Variants in CTNNA3 observed in about 807,000 individuals in gnomAD.
The protein encoded by CTNNA3 is catenin alpha 3.
A neutral mutation model predicts 95.7 loss-of-function variants in CTNNA3; 76 were observed. The observed-to-expected ratio is 0.79, with a 90% CI of 0.66 to 0.96. The LOEUF (loss-of-function observed/expected upper bound fraction) is 0.96. Ranked by LOEUF, CTNNA3 falls within the 40% of genes least tolerant of loss-of-function variation. The pLI is 0.00. For synonymous variants in CTNNA3, 431 were observed against 374.4 expected, an observed-to-expected ratio of 1.15 and a Z score of -1.74; for missense variants, 1,191 against 1,089.8, an observed-to-expected ratio of 1.09 and a Z score of -1.31.
chr10:67,628,155 C>T (rs951751561), intron 2 of CTNNA3, among the ~76,000 whole-genome samples: 1 of 148,356 alleles, frequency 6.7e-6, no homozygotes, highest in African/African-American at 2.5e-5. Context: ...AAATAGTCTA[C>T]AAAACTAGAA....
intron 5 of CTNNA3, among the ~76,000 whole-genome samples, chr10:67,429,016 A>G (rs1013402360): frequency 2.6e-5 from 4 of 151,986 alleles, no homozygotes; most frequent in African/African-American, 7.2e-5. Flanking sequence ...ACACTAATAC[A>G]GTGACACTTT....
intron 9 of CTNNA3, among the ~76,000 whole-genome samples, chr10:66,645,181 T>C (rs4746612): frequency 0.67 from 102,425 of 151,888 alleles, 35,612 homozygotes; most frequent in East Asian, 0.95. Flanking sequence ...TCTCACATGG[T>C]TTTCACAAAG....
chr10:67,341,334 C>T (rs1212561665), intron 5 of CTNNA3, among the ~76,000 whole-genome samples: 1 of 152,080 alleles, frequency 6.6e-6, no homozygotes, highest in African/African-American at 2.4e-5. Context: ...ATCTCTGCGT[C>T]ACCTCCCCAC....
intron 12 of CTNNA3, among the ~76,000 whole-genome samples, chr10:66,346,619 T>C (rs1334989398): frequency 1.3e-5 from 2 of 152,096 alleles, no homozygotes; most frequent in African/African-American, 4.8e-5. Context: ...ACTTGTTTGG[T>C]AACTGCTCTC....
chr10:67,566,927 A>G (rs1841824212), intron 3 of CTNNA3, among the ~76,000 whole-genome samples: 1 of 150,886 alleles, frequency 6.6e-6, no homozygotes, highest in African/African-American at 2.4e-5. Flanking sequence ...AAGGACAAAA[A>G]ACCAAACACC....
intron 6 of CTNNA3, among the ~76,000 whole-genome samples, chr10:67,181,495 T>C (rs1179084470): frequency 6.6e-6 from 1 of 152,096 alleles, no homozygotes; most frequent in Non-Finnish European, 1.5e-5. Flanking sequence ...ACCCTTAACA[T>C]GAAATGCAAT....
chr10:66,418,130 C>T (rs1034344753), intron 11 of CTNNA3, among the ~76,000 whole-genome samples: 3 of 144,212 alleles, frequency 2.1e-5, no homozygotes, highest in Non-Finnish European at 3.0e-5. Flanking sequence ...AAAAAAACTA[C>T]GAGCTAGACT....
intron 7 of CTNNA3, among the ~76,000 whole-genome samples, chr10:67,029,214 G>A (rs754797591): frequency 3.9e-5 from 6 of 152,136 alleles, no homozygotes; most frequent in Non-Finnish European, 7.4e-5. Flanking sequence ...ATTTGAAAAG[G>A]TTCACTAATG....
At chr10:66,884,046 A>G (rs1441422067) in intron 7 of CTNNA3, among the ~76,000 whole-genome samples, 1 of 152,132 alleles carries the variant, frequency 6.6e-6, no homozygotes. Flanking sequence ...TTGCATAGGC[A>G]GAAATCACAT....
chr10:66,017,927 C>T (rs1409873882), intron 15 of CTNNA3, among the ~76,000 whole-genome samples: 1 of 151,970 alleles, frequency 6.6e-6, no homozygotes, highest in Non-Finnish European at 1.5e-5. Flanking sequence ...ATACGGCCTC[C>T]TTTATGTTTA....
chr10:66,475,826 C>CA (rs1015258898), intron 11 of CTNNA3, among the ~76,000 whole-genome samples: 5 of 151,532 alleles, frequency 3.3e-5, no homozygotes, highest in Admixed American at 2.0e-4. Context: ...AGACCTAGGA[C>CA]AAAAAACACT....
intron 13 of CTNNA3, among the ~76,000 whole-genome samples, chr10:66,130,555 A>C (rs7084660): frequency 6.6e-6 from 1 of 151,920 alleles, no homozygotes; most frequent in East Asian, 1.9e-4. Flanking sequence ...ATAGAAATAC[A>C]AAGAATCGGC....
chr10:66,447,582 C>G (rs1483322739), intron 11 of CTNNA3, among the ~76,000 whole-genome samples: 2 of 152,026 alleles, frequency 1.3e-5, no homozygotes, highest in African/African-American at 4.8e-5. Context: ...GGAAAGCATT[C>G]CCTATTTAAT....
chr10:66,354,951 T>C (rs986855919), intron 12 of CTNNA3, among the ~76,000 whole-genome samples: 3 of 152,134 alleles, frequency 2.0e-5, no homozygotes, highest in Non-Finnish European at 2.9e-5. Context: ...TCTACACTTA[T>C]CAGTCTTAAC....
chr10:67,575,961 G>C (rs1215798443), intron 3 of CTNNA3, among the ~76,000 whole-genome samples: 2 of 152,122 alleles, frequency 1.3e-5, no homozygotes, highest in African/African-American at 4.8e-5. Context: ...TCAAGGGAAT[G>C]GTCTGAGCAA....
At position 66,755,474 on chromosome 10, in the gene CTNNA3, A is replaced by G. The variant is rs1839327139; in HGVS notation, c.1281+10790T>C. Among the ~76,000 whole-genome samples, 2 of 152,176 alleles carry G rather than the reference A, an allele frequency of 1.3e-5. 1 individual carries two copies. Among genetic ancestry groups the G allele is most frequent in the African/African-American group, 4.8e-5 (2 of 41,456 alleles). On this transcript the variant is annotated intron_variant, in intron 9 of 17. Coordinates refer to ENST00000433211, the MANE Select transcript of CTNNA3 (RefSeq NM_013266.4). ...GATAATAGATATCTCAAAAAAGATC[A>G]TTGATATCATTTGTAATTAGGGAAA... is the stretch of plus-strand genomic sequence containing the variant.
intron 5 of CTNNA3, among the ~76,000 whole-genome samples, chr10:67,471,131 C>T (rs78898720): frequency 1.3e-5 from 2 of 152,034 alleles, no homozygotes; most frequent in African/African-American, 4.8e-5. Context: ...CCAGCCAAGA[C>T]CTTTAGTCTT....
intron 5 of CTNNA3, among the ~76,000 whole-genome samples, chr10:67,294,199 T>G (rs1337872118): frequency 6.6e-6 from 1 of 152,130 alleles, no homozygotes; most frequent in Non-Finnish European, 1.5e-5. Context: ...TCAGTGGCAC[T>G]CAATAACTGT....
At chr10:66,874,920 C>T (rs575141220) in intron 7 of CTNNA3, among the ~76,000 whole-genome samples, 26 of 152,162 alleles carry the variant, frequency 1.7e-4, no homozygotes, top group Non-Finnish European at 2.9e-4. Flanking sequence ...CTTCTGCCTC[C>T]ATTTGGCTTA....
Sources: allele counts gnomAD v4.1 joint callset (sites outside exome capture counted in the v4.1 genomes callset), GRCh38; gene constraint gnomAD v4.1.1; transcripts MANE v1.5; gene names NCBI Gene and HGNC (gene_info 2026-07-23, HGNC 2026-07-21).